The following PAPPA variants were observed in gnomAD, a reference collection of about 807,000 sequenced individuals.
PAPPA encodes pappalysin 1.
In PAPPA, 60 loss-of-function variants were observed where a neutral mutation model predicts 164.0. The observed-to-expected ratio is 0.37, with a 90% confidence interval of 0.30 to 0.45. PAPPA has a LOEUF of 0.45. Ranked by LOEUF, PAPPA falls within the 20% of genes least tolerant of loss-of-function variation. The pLI is 1.00. For synonymous variants in PAPPA, 875 were observed against 814.1 expected (o/e 1.07, Z -1.27); for missense variants, 1,782 against 2,087.3 (o/e 0.85, Z 2.85).
At chr9:116,218,943 T>C (rs944208639) in intron 4 of PAPPA, among the ~76,000 whole-genome samples, 13 of 152,198 alleles carry the variant, frequency 8.5e-5, no homozygotes, top group African/African-American at 2.4e-4. Context: ...TAAAGCACAG[T>C]GCACCAATGG....
intron 7 of PAPPA, among the ~76,000 whole-genome samples, chr9:116,254,511 G>T (rs530384719): frequency 7.2e-5 from 11 of 152,208 alleles, no homozygotes; most frequent in Non-Finnish European, 1.2e-4. Context: ...GGCCGGGCGC[G>T]GTGGCTCACA....
chr9:116,342,350 A>C (rs1246637569), intron 13 of PAPPA, among the ~76,000 whole-genome samples: 1 of 152,196 alleles, frequency 6.6e-6, no homozygotes, highest in Non-Finnish European at 1.5e-5. Context: ...GGAGTAAGAA[A>C]AAGGGCAGAG....
intron 19 of PAPPA, among the ~76,000 whole-genome samples, chr9:116,374,990 T>G (rs1846630744): frequency 6.6e-6 from 1 of 152,250 alleles, no homozygotes; most frequent in African/African-American, 2.4e-5. Flanking sequence ...TGCTCCACGC[T>G]TCACCCTGGA....
chr9:116,292,755 T>C (rs1587990623), intron 9 of PAPPA, among the ~76,000 whole-genome samples: 1 of 152,214 alleles, frequency 6.6e-6, no homozygotes, highest in African/African-American at 2.4e-5. Flanking sequence ...GATTGGCACA[T>C]AGAGGTTTTA....
At chr9:116,180,871 C>G (rs1312277519) in intron 1 of PAPPA, among the ~76,000 whole-genome samples, 5 of 152,094 alleles carry the variant, frequency 3.3e-5, no homozygotes, top group Non-Finnish European at 1.5e-5. Context: ...TTTCCTACCC[C>G]TTAGTGCTGT....
At chr9:116,194,462 G>A (rs958069224) in intron 2 of PAPPA, among the ~76,000 whole-genome samples, 8 of 152,150 alleles carry the variant, frequency 5.3e-5, no homozygotes, top group African/African-American at 1.9e-4. Context: ...GAATATCAGG[G>A]TTTATTTAAT....
Position 116,399,623 on chromosome 9 carries a change from C to T in PAPPA, c.*3007C>T, listed in dbSNP as rs1410843574. The T allele has an allele frequency of 2.0e-5, 3 of 152,562 alleles. No homozygotes were observed. Among genetic ancestry groups the T allele is most frequent in the African/African-American group, 7.2e-5 (3 of 41,418 alleles). The allele number at this position is 152,562 out of a possible 1,614,324, so 9.5% of individuals were successfully genotyped here. A position where few individuals can be genotyped will look rare whatever the true frequency, so the allele number is the denominator to read the frequency against. ...AGCAAAATATGAAAGATGAGGTGGACAGTCCTCTAAGCCCTATTTAGGGAA... is the reference window on the plus strand; with the variant it reads ...AGCAAAATATGAAAGATGAGGTGGATAGTCCTCTAAGCCCTATTTAGGGAA... On this transcript the variant is annotated 3_prime_UTR_variant, in exon 22 of 22. Coordinates refer to ENST00000328252, the MANE Select transcript of PAPPA (RefSeq NM_002581.5).
chr9:116,201,044 C>T (rs1232922026), intron 2 of PAPPA, among the ~76,000 whole-genome samples: 1 of 152,158 alleles, frequency 6.6e-6, no homozygotes, highest in Non-Finnish European at 1.5e-5. Context: ...ACTCTCCCAG[C>T]ATTTTCTTTC....
intron 15 of PAPPA, among the ~76,000 whole-genome samples, chr9:116,349,556 T>C (rs754048367): frequency 6.6e-6 from 1 of 152,196 alleles, no homozygotes; most frequent in Non-Finnish European, 1.5e-5. Flanking sequence ...TTAATTTTAA[T>C]CTTTACAGCA....
At chr9:116,379,539 TCATC>T (rs60827972) in intron 20 of PAPPA, among the ~76,000 whole-genome samples, 25,401 of 149,832 alleles carry the variant, frequency 0.17, 2,349 homozygotes, top group East Asian at 0.34. Context: ...TTCTTGCCTG[TCATC>T]CATCCATCCA....
intron 18 of PAPPA, 43 bp from the exon 19 acceptor site, chr9:116,367,602 G>T: frequency 6.9e-7 from 1 of 1,445,524 alleles, no homozygotes; most frequent in East Asian, 2.3e-5. Flanking sequence ...CAGATGTTGA[G>T]GGTCTCGGGC....
intron 10 of PAPPA, among the ~76,000 whole-genome samples, chr9:116,315,695 A>G (rs1445770230): frequency 1.3e-5 from 2 of 152,008 alleles, no homozygotes; most frequent in African/African-American, 2.4e-5. Flanking sequence ...CTCCCAATAC[A>G]AGGCCCAGCA....
rs749786130 is a variant in PAPPA at position 116,382,395 on chromosome 9, C to A, written c.4678C>A (p.Pro1560Thr). Residue 1560 changes from proline (P) to threonine (T), a missense_variant and splice_region_variant, in exon 21 of 22, where the codon CCC becomes ACC. Pro to Thr is a conservative substitution (Grantham distance 38). Around this residue, in one of 2 missense-constraint regions of PAPPA, gnomAD observed 1,324 missense variants for 1,656.9 expected, o/e 0.80. Coordinates refer to ENST00000328252, the MANE Select transcript of PAPPA (RefSeq NM_002581.5). ...TTCCTCCTTCTGTCTCCCTTTCCAG[C>A]CCTTCATGGGAGACAATTATTGTGA... ...ALIHCVKGCE[P>T]FMGDNYCDAI... is the part of the protein sequence containing the mutation. The A allele has an allele frequency of 8.1e-6, 13 of 1,606,250 alleles. No homozygotes were observed. The highest frequency in any genetic ancestry group is 1.1e-5 in the Non-Finnish European group (13 of 1,172,860).
rs567842514 is a variant in PAPPA, at chr9:116,381,232, G to T, written c.4678-1163G>T. Among the ~76,000 whole-genome samples the T allele has an allele frequency of 3.3e-4, 50 of 152,304 alleles. No individual in the cohort carries two copies. In the South Asian group the frequency reaches 7.0e-3, roughly 21 times the overall value. ...TGAAGTAACCATCCCATTGGCTGAGGTTGGGAGGACTAGAACCCAGGTTTT... is the reference window on the plus strand; with the variant it reads ...TGAAGTAACCATCCCATTGGCTGAGTTTGGGAGGACTAGAACCCAGGTTTT... On this transcript the variant is annotated intron_variant, in intron 20 of 21. Coordinates refer to ENST00000328252, the MANE Select transcript of PAPPA (RefSeq NM_002581.5).
rs367999585 is a variant in PAPPA at position 116,168,711 on chromosome 9, A to G, written c.415+14124A>G. ...TTCTGGATTCATGCCTCAGCTGTAG[A>G]TACTTACCCAGAGTATCTTTTAGGA... On this transcript the variant is annotated intron_variant, in intron 1 of 21. Coordinates refer to ENST00000328252, the MANE Select transcript of PAPPA (RefSeq NM_002581.5). Among the ~76,000 whole-genome samples the G allele has an allele frequency of 5.9e-5, 9 of 152,350 alleles. No homozygotes were observed. The East Asian group carries it at 7.7e-4, about 13-fold the overall frequency.
intron 9 of PAPPA, among the ~76,000 whole-genome samples, chr9:116,284,691 C>T (rs1377884892): frequency 6.6e-6 from 1 of 151,868 alleles, no homozygotes; most frequent in African/African-American, 2.4e-5. Flanking sequence ...TTTTCCTAAT[C>T]TCAACTGGTG....
At chr9:116,319,229 C>T (rs1352201486) in intron 10 of PAPPA, among the ~76,000 whole-genome samples, 1 of 152,180 alleles carries the variant, frequency 6.6e-6, no homozygotes, top group Admixed American at 6.5e-5. Flanking sequence ...CCTTTAATGG[C>T]AGCAGTTGTC....
intron 7 of PAPPA, among the ~76,000 whole-genome samples, chr9:116,262,648 A>G (rs2118806025): frequency 6.6e-6 from 1 of 152,256 alleles, no homozygotes; most frequent in South Asian, 2.1e-4. Context: ...GCCTCAGGAG[A>G]GCTGAAGAAA....
intron 9 of PAPPA, among the ~76,000 whole-genome samples, chr9:116,280,911 G>A (rs951597084): frequency 6.6e-6 from 1 of 152,192 alleles, no homozygotes; most frequent in Non-Finnish European, 1.5e-5. Flanking sequence ...CTGAAAAGTT[G>A]TTGACTGCTG....
Sources: allele counts gnomAD v4.1 joint callset (sites outside exome capture counted in the v4.1 genomes callset), GRCh38; gene constraint gnomAD v4.1.1; regional missense constraint gnomAD v4.1.1; transcripts MANE v1.5; gene names NCBI Gene and HGNC (gene_info 2026-07-23, HGNC 2026-07-21).